The following UNC13C variants were observed in gnomAD, a reference collection of about 807,000 sequenced individuals.
The protein encoded by UNC13C is protein unc-13 homolog C.
A neutral mutation model predicts 245.4 loss-of-function variants in UNC13C; 174 were observed. The observed-to-expected ratio is 0.71, with a 90% CI of 0.63 to 0.80. The LOEUF (loss-of-function observed/expected upper bound fraction) is 0.80. Among genes scored for constraint, UNC13C ranks in the 30% least tolerant of loss-of-function variants. The pLI, the probability that UNC13C is intolerant of heterozygous loss-of-function variation, is 0.00. For missense variants in UNC13C, 2,829 were observed against 2,602.9 expected (o/e 1.09, Z -1.89); for synonymous variants, 992 against 895.1 (o/e 1.11, Z -1.93).
chr15:54,141,189 TG>T (rs2032001026), intron 2 of UNC13C, among the ~76,000 whole-genome samples: 5 of 152,214 alleles, frequency 3.3e-5, no homozygotes, highest in Non-Finnish European at 5.9e-5. Context: ...ATTTTGCTTA[TG>T]GGTTGACTAT....
At chr15:54,301,289 GTTTT>G (rs10548904) in intron 13 of UNC13C, among the ~76,000 whole-genome samples, 16 of 140,376 alleles carry the variant, frequency 1.1e-4, no homozygotes, top group Admixed American at 2.8e-4. Context: ...ATTTTCTTTT[GTTTT>G]TTTTTTTTTT....
At position 54,235,101 on chromosome 15, in the gene UNC13C, G is replaced by A. The variant is rs201176002; in HGVS notation, c.3143G>A (p.Arg1048Gln). 116 of 1,613,646 alleles carry A rather than the reference G, an allele frequency of 7.2e-5. 1 individual carries two copies. The highest frequency in any genetic ancestry group is 4.9e-4 in the Middle Eastern group (3 of 6,084). ...LRRKKTLPIV[R>Q]DVAMTLAARK... ...AGAAAAAAAACTTTGCCTATTGTCC[G>A]AGATGTGGTAAGTTACAACTGTTTA... is the stretch of plus-strand genomic sequence containing the variant. The change falls in exon 5 of 33, where the codon CGA (arginine) becomes CAA (glutamine). Residue 1048 changes from arginine (R) to glutamine (Q), a missense_variant. Coordinates refer to ENST00000260323, the MANE Select transcript of UNC13C (RefSeq NM_001080534.3).
At chr15:54,458,650 G>A (rs1010934358) in intron 19 of UNC13C, among the ~76,000 whole-genome samples, 31 of 60,292 alleles carry the variant, frequency 5.1e-4, no homozygotes, top group African/African-American at 1.7e-3. Context: ...ATGTCCCTCT[G>A]TCTTTTTTAA....
chr15:54,175,756 C>G (rs2033594021), intron 4 of UNC13C, among the ~76,000 whole-genome samples: 1 of 151,956 alleles, frequency 6.6e-6, no homozygotes, highest in Non-Finnish European at 1.5e-5. Context: ...AGTTTAGAAA[C>G]TTTTATAGGG....
Position 54,476,167 on chromosome 15 carries a change from C to A in UNC13C, c.4934-18441C>A, listed in dbSNP as rs1321604152. 3.4e-5 allele frequency among the ~76,000 whole-genome samples: 4 copies of A among 118,234 alleles called. No individual in the cohort carries two copies. The South Asian group carries it at 1.3e-3, about 37-fold the overall frequency. 77.6% of individuals were successfully genotyped at this position (118,234 alleles called of 152,430 possible). ...TTTTGATGGGGTTGTTTGTTTTTTT[C>A]TTGTAAATGTGTTTGAGTTCATTGT... On this transcript the variant is annotated intron_variant, in intron 19 of 32. Coordinates refer to ENST00000260323, the MANE Select transcript of UNC13C (RefSeq NM_001080534.3).
chr15:53,859,623 T>C, the UNC13C span, among the ~76,000 whole-genome samples: 1 of 125,370 alleles, frequency 8.0e-6, no homozygotes, highest in African/African-American at 2.8e-5. Flanking sequence ...ATAAAATAAG[T>C]ACAGGCATAC....
the UNC13C span, among the ~76,000 whole-genome samples, chr15:53,859,535 T>C: frequency 1.3e-5 from 2 of 152,114 alleles, no homozygotes; most frequent in East Asian, 3.8e-4. Flanking sequence ...AAACAGAGGG[T>C]ATTAAACACC....
chr15:54,413,491 G>C (rs1390854358), intron 18 of UNC13C, among the ~76,000 whole-genome samples: 1 of 151,840 alleles, frequency 6.6e-6, no homozygotes, highest in Non-Finnish European at 1.5e-5. Flanking sequence ...GTTTGCCTAG[G>C]GTTATTTTTA....
intron 1 of UNC13C, among the ~76,000 whole-genome samples, chr15:54,012,257 A>G (rs1895414195): frequency 6.6e-6 from 1 of 152,220 alleles, no homozygotes; most frequent in Non-Finnish European, 1.5e-5. Flanking sequence ...AGGGGAATAT[A>G]CATAGATTTA....
At chr15:54,106,109 T>C (rs1300583060) in intron 2 of UNC13C, among the ~76,000 whole-genome samples, 1 of 152,216 alleles carries the variant, frequency 6.6e-6, no homozygotes, top group Non-Finnish European at 1.5e-5. Flanking sequence ...TACAGCAGTC[T>C]CTCTAGATCC....
chr15:54,476,296 G>A (rs1399303987), intron 19 of UNC13C, among the ~76,000 whole-genome samples: 1 of 145,268 alleles, frequency 6.9e-6, no homozygotes, highest in Non-Finnish European at 1.5e-5. Context: ...TTGCTGTGCA[G>A]AAGCTCTTTA....
At position 54,130,612 on chromosome 15, in the gene UNC13C, A is replaced by AT. The variant is rs756914660; in HGVS notation, c.2984-12402dup. 1.1e-3 allele frequency among the ~76,000 whole-genome samples: 171 copies of AT among 152,148 alleles called. 1 individual carries two copies. Among genetic ancestry groups the AT allele is most frequent in the Middle Eastern group, 6.8e-3 (2 of 294 alleles). On this transcript the variant is annotated intron_variant, in intron 2 of 32. Transcript: ENST00000260323. ...CAGCCCATAATTAATTTTTAACAGTATTTTATGTGAAAAGAATAAATATAT... is the reference window on the plus strand; with the variant it reads ...CAGCCCATAATTAATTTTTAACAGTATTTTTATGTGAAAAGAATAAATATAT...
At chr15:53,919,529 G>C in the UNC13C span, among the ~76,000 whole-genome samples, 4 of 152,266 alleles carry the variant, frequency 2.6e-5, no homozygotes, top group East Asian at 7.7e-4. Context: ...ATGCAACTAA[G>C]TTCATCTATA....
intron 19 of UNC13C, among the ~76,000 whole-genome samples, chr15:54,427,942 G>A (rs1342536964): frequency 6.6e-6 from 1 of 151,726 alleles, no homozygotes; most frequent in African/African-American, 2.4e-5. Context: ...GAACCCTGTG[G>A]CTACTTCTCC....
At chr15:54,377,956 T>C (rs940274254) in intron 17 of UNC13C, among the ~76,000 whole-genome samples, 1 of 152,202 alleles carries the variant, frequency 6.6e-6, no homozygotes, top group Non-Finnish European at 1.5e-5. Flanking sequence ...TAGGAATGCA[T>C]ATTAACAAAT....
intron 13 of UNC13C, among the ~76,000 whole-genome samples, chr15:54,317,066 A>G (rs535724030): frequency 1.4e-3 from 211 of 152,080 alleles, no homozygotes; most frequent in Non-Finnish European, 2.6e-3. Flanking sequence ...TTGAATAGGA[A>G]AAAAATGGTT....
At chr15:54,054,965 A>G (rs1038382041) in intron 2 of UNC13C, among the ~76,000 whole-genome samples, 1 of 152,106 alleles carries the variant, frequency 6.6e-6, no homozygotes, top group Non-Finnish European at 1.5e-5. Flanking sequence ...ATCTGAATCA[A>G]CTGTGGCCTA....
At chr15:53,970,553 A>G in the UNC13C span, among the ~76,000 whole-genome samples, 9 of 152,182 alleles carry the variant, frequency 5.9e-5, no homozygotes, top group South Asian at 2.1e-4. Context: ...GCTGGAAGCC[A>G]TTATCCTCCA....
chr15:54,088,058 T>TTATA (rs68078085), intron 2 of UNC13C, among the ~76,000 whole-genome samples: 28 of 150,886 alleles, frequency 1.9e-4, no homozygotes, highest in South Asian at 1.5e-3. Flanking sequence ...ATCCTGAATA[T>TTATA]TATATATATA....
Sources: gnomAD v4.1 joint callset for allele counts (sites outside exome capture counted in the v4.1 genomes callset) on GRCh38, gnomAD v4.1.1 for gene constraint, MANE v1.5 for transcripts, NCBI Gene and HGNC (gene_info 2026-07-23, HGNC 2026-07-21) for gene names.